SCAF8: variants seen among roughly 807,000 people sequenced by gnomAD.
SCAF8 encodes the protein SR-related CTD associated factor 8, also known as SR-related and CTD-associated factor 8.
Under a neutral mutation model 140.5 loss-of-function variants are expected in SCAF8, and 23 were observed. The ratio of observed to expected loss-of-function variants is 0.16; its 90% CI spans 0.12 to 0.23. The LOEUF (loss-of-function observed/expected upper bound fraction) is 0.23. Among genes scored for constraint, SCAF8 ranks in the 10% least tolerant of loss-of-function variants. SCAF8 has a pLI of 1.00. For missense variants in SCAF8, 1,397 were observed against 1,555.7 expected, an observed-to-expected ratio of 0.90 and a Z score of 1.72; for synonymous variants, 575 against 528.9, an observed-to-expected ratio of 1.09 and a Z score of -1.20.
At chr6:154,812,015 GT>G (rs1405705821) in intron 12 of SCAF8, among the ~76,000 whole-genome samples, 4 of 151,976 alleles carry the variant, frequency 2.6e-5, no homozygotes, top group African/African-American at 9.7e-5. Context: ...TGTTTACATA[GT>G]TTTTAACTGT....
chr6:154,736,877 C>G (rs1166908100), intron 1 of SCAF8, among the ~76,000 whole-genome samples: 5 of 152,042 alleles, frequency 3.3e-5, no homozygotes, highest in Non-Finnish European at 5.9e-5. Flanking sequence ...CTAACTTCAC[C>G]GTGTTTCAAA....
At chr6:154,740,625 C>CTTTTTCT (rs1554256677) in intron 1 of SCAF8, among the ~76,000 whole-genome samples, 2 of 138,524 alleles carry the variant, frequency 1.4e-5, no homozygotes, top group East Asian at 2.1e-4. Flanking sequence ...TTTTCTTTTT[C>CTTTTTCT]TTTTTTTTTT....
At chr6:154,755,818 A>C (rs1440828612) in intron 1 of SCAF8, among the ~76,000 whole-genome samples, 2 of 152,168 alleles carry the variant, frequency 1.3e-5, no homozygotes, top group African/African-American at 4.8e-5. Context: ...TGGTTTAGGA[A>C]CTCAGTGATT....
chr6:154,822,119 TC>T (rs1778436666), intron 15 of SCAF8, 156 bp from the exon 16 acceptor site: 1 of 627,272 alleles, frequency 1.6e-6, no homozygotes, highest in Admixed American at 3.1e-5. Context: ...ATCAGATTAA[TC>T]TGGGCAGAAA....
rs766623506 is a variant in SCAF8 at position 154,832,349 on chromosome 6, T to A, written c.2770T>A (p.Leu924Ile). The A allele has an allele frequency of 5.3e-5, 85 of 1,613,946 alleles. No homozygotes were observed. Among genetic ancestry groups the A allele is most frequent in the Middle Eastern group, 4.9e-4 (3 of 6,082 alleles). The change falls in exon 20 of 20, where the codon TTA becomes ATA. Residue 924 changes from leucine (L) to isoleucine (I), a missense_variant. Leu to Ile is a conservative substitution (Grantham distance 5). Transcript: ENST00000367178. ...TCAAAGGATGCCCACAATGCCAATGTTAGACATTCGTCCGGGACTAATACC... is the reference window on the plus strand; with the variant it reads ...TCAAAGGATGCCCACAATGCCAATGATAGACATTCGTCCGGGACTAATACC... Reference protein sequence around the residue: ...PNQRMPTMPMLDIRPGLIPQA... With the variant: ...PNQRMPTMPMIDIRPGLIPQA...
At chr6:154,827,123 A>G in intron 17 of SCAF8, 49 bp from the exon 18 acceptor site, 3 of 1,439,962 alleles carry the variant, frequency 2.1e-6, no homozygotes, top group South Asian at 1.2e-5. Context: ...TTGATTTAAA[A>G]TAAGTAATTT....
At chr6:154,780,981 T>G (rs1777067418) in intron 3 of SCAF8, among the ~76,000 whole-genome samples, 1 of 152,100 alleles carries the variant, frequency 6.6e-6, no homozygotes, top group Non-Finnish European at 1.5e-5. Context: ...TAATTTACAT[T>G]CCCACCAAGA....
At chr6:154,796,437 G>T (rs745957385) in intron 6 of SCAF8, among the ~76,000 whole-genome samples, 6 of 146,726 alleles carry the variant, frequency 4.1e-5, no homozygotes, top group Non-Finnish European at 8.9e-5. Flanking sequence ...ATCCTTTGAG[G>T]CAGTACATTT....
chr6:154,807,077 G>A (rs1290434164), intron 9 of SCAF8, among the ~76,000 whole-genome samples: 1 of 152,154 alleles, frequency 6.6e-6, no homozygotes, highest in African/African-American at 2.4e-5. Context: ...CATTTTAGAA[G>A]GTTTAGCAGA....
chr6:154,746,047 G>A (rs564987224), intron 1 of SCAF8, among the ~76,000 whole-genome samples: 1 of 152,004 alleles, frequency 6.6e-6, no homozygotes, highest in Non-Finnish European at 1.5e-5. Flanking sequence ...CACCATGCCT[G>A]GATAATTTTT....
chr6:154,769,731 T>A (rs1776681608), intron 1 of SCAF8, among the ~76,000 whole-genome samples: 1 of 152,244 alleles, frequency 6.6e-6, no homozygotes, highest in Non-Finnish European at 1.5e-5. Context: ...GAATTAAAAT[T>A]TAGATCTTTC....
chr6:154,742,156 T>A lies in SCAF8; in HGVS notation c.30+8226T>A, dbSNP rs181302555. 395 of 561,394 alleles carry A rather than the reference T, an allele frequency of 7.0e-4. 1 individual carries two copies. The highest frequency in any genetic ancestry group is 6.6e-3 in the African/African-American group (348 of 53,044). 34.8% of individuals were successfully genotyped at this position (561,394 alleles called of 1,614,324 possible). A position where few individuals can be genotyped will look rare whatever the true frequency, so the allele number is the denominator to read the frequency against. ...TTTGTCACTTAGAATAGATTGGTAG[T>A]CTTAAAAGAGAGCGTCTAGGGAATA... On this transcript the variant is annotated intron_variant, in intron 1 of 19. Coordinates refer to ENST00000367178, the MANE Select transcript of SCAF8 (RefSeq NM_014892.5).
chr6:154,787,855 C>T lies in SCAF8; in HGVS notation c.160-6C>T. ...CTTTCCTTTTCATTCTTCTTTTTTT[C>T]ATCAGTGTAAACCAGAATACAAAGT... On this transcript the variant is annotated splice_polypyrimidine_tract_variant and splice_region_variant and intron_variant, in intron 3 of 19. Coordinates refer to ENST00000367178, the MANE Select transcript of SCAF8 (RefSeq NM_014892.5). 3 of 1,574,082 alleles carry T rather than the reference C, an allele frequency of 1.9e-6. No homozygotes were observed. The highest frequency in any genetic ancestry group is 1.2e-5 in the South Asian group (1 of 84,406).
rs982737381 is a variant in SCAF8, at chr6:154,746,338, C to A, written c.30+12408C>A. ...TCTAGTGTAATAAAATAACTCCCACCAGCCTGGGAATCAGCCATTTCTCTA... is the reference window on the plus strand; with the variant it reads ...TCTAGTGTAATAAAATAACTCCCACAAGCCTGGGAATCAGCCATTTCTCTA... On this transcript the variant is annotated intron_variant, in intron 1 of 19. Coordinates refer to ENST00000367178, the MANE Select transcript of SCAF8 (RefSeq NM_014892.5). 3.3e-5 allele frequency among the ~76,000 whole-genome samples: 5 copies of A among 152,276 alleles called. No homozygotes were observed. The East Asian group carries it at 9.6e-4, about 29-fold the overall frequency.
chr6:154,826,432 G>T (rs951968645), intron 17 of SCAF8, among the ~76,000 whole-genome samples: 1 of 152,034 alleles, frequency 6.6e-6, no homozygotes, highest in African/African-American at 2.4e-5. Context: ...CCACAAAATT[G>T]AGTTATAATT....
rs918944346 is a variant in SCAF8 at position 154,827,158 on chromosome 6, T to G, written c.2072-14T>G. Reference sequence around the variant, plus strand: ...TTTCTTGTGCTATTTTTTGGGGTTTTTTTTTCTGTCTAGGTTTCATGCCGC... The same window carrying G: ...TTTCTTGTGCTATTTTTTGGGGTTTGTTTTTCTGTCTAGGTTTCATGCCGC... On this transcript the variant is annotated splice_polypyrimidine_tract_variant and intron_variant, in intron 17 of 19. Transcript: ENST00000367178. 6.3e-7 allele frequency: 1 copy of G among 1,589,834 alleles called. No individual in the cohort carries two copies. Among genetic ancestry groups the G allele is most frequent in the Non-Finnish European group, 8.5e-7 (1 of 1,172,510 alleles).
At position 154,810,194 on chromosome 6, in the gene SCAF8, C is replaced by T. The variant is rs1197681544; in HGVS notation, c.1406C>T (p.Ser469Phe). The change falls in exon 12 of 20, where the codon TCT becomes TTT. Residue 469 changes from serine to phenylalanine, a missense_variant. Physicochemically the swap from Ser to Phe is radical, Grantham distance 155 (BLOSUM62 -2). Transcript: ENST00000367178. ...AAAAAGGGATTACCTCCAATTAGAT[C>T]TAAAACACTAAGTGGTAAGTAACAT... Reference protein sequence around the residue: ...RQKKGLPPIRSKTLSVCSTTL... With the variant: ...RQKKGLPPIRFKTLSVCSTTL... 6.2e-7 allele frequency: 1 copy of T among 1,603,214 alleles called. No homozygotes were observed. Among genetic ancestry groups the T allele is most frequent in the African/African-American group, 1.3e-5 (1 of 74,212 alleles).
At chr6:154,831,692 A>G (rs115444178) in intron 19 of SCAF8, among the ~76,000 whole-genome samples, 190 of 93,968 alleles carry the variant, frequency 2.0e-3, no homozygotes, top group African/African-American at 7.5e-3. Flanking sequence ...TTAAACCTCC[A>G]CTCCTGTTCT....
chr6:154,811,265 G>A (rs1194297437), intron 12 of SCAF8, among the ~76,000 whole-genome samples: 1 of 152,098 alleles, frequency 6.6e-6, no homozygotes, highest in Non-Finnish European at 1.5e-5. Flanking sequence ...GTGCTTTCTC[G>A]CATGATTACC....
Sources: allele counts gnomAD v4.1 joint callset (sites outside exome capture counted in the v4.1 genomes callset), GRCh38; gene constraint gnomAD v4.1.1; transcripts MANE v1.5; gene names NCBI Gene and HGNC (gene_info 2026-07-23, HGNC 2026-07-21).